AFG2B: variants seen among roughly 807,000 people sequenced by gnomAD.
The protein encoded by AFG2B is ATPase family gene 2 protein homolog B.
chr15:45,410,448 G>T, the AFG2B span: 13 of 1,613,828 alleles, frequency 8.1e-6, no homozygotes, highest in Non-Finnish European at 1.1e-5. Context: ...TCGTTTCGAA[G>T]CGTCATTGGA....
chr15:45,413,628 A>G, the AFG2B span, among the ~76,000 whole-genome samples: 22 of 152,184 alleles, frequency 1.4e-4, no homozygotes, highest in African/African-American at 5.3e-4. Context: ...AATCATTGCA[A>G]GAAACTTGTA....
At chr15:45,410,691 C>T in the AFG2B span, among the ~76,000 whole-genome samples, 4 of 152,162 alleles carry the variant, frequency 2.6e-5, no homozygotes, top group Non-Finnish European at 4.4e-5. Flanking sequence ...TTTAATTGGA[C>T]TTCTGTGGAT....
chr15:45,415,631 G>A, the AFG2B span: 1 of 1,613,894 alleles, frequency 6.2e-7, no homozygotes, highest in Non-Finnish European at 8.5e-7. Flanking sequence ...TTTTGTTTTT[G>A]GATGAAATTG....
chr15:45,418,111 A>G, the AFG2B span, among the ~76,000 whole-genome samples: 1 of 152,156 alleles, frequency 6.6e-6, no homozygotes, highest in African/African-American at 2.4e-5. Flanking sequence ...TGGGAGGCCA[A>G]GGCGGGTAGA....
chr15:45,407,082 C>T, the AFG2B span: 14 of 1,289,078 alleles, frequency 1.1e-5, no homozygotes, highest in South Asian at 3.7e-5. Context: ...CAGCTGCTGT[C>T]GTCCCAGGGT....
At chr15:45,404,768 G>A in the AFG2B span, among the ~76,000 whole-genome samples, 197 of 144,050 alleles carry the variant, frequency 1.4e-3, no homozygotes, top group African/African-American at 5.0e-3. Context: ...GATGGTGCCC[G>A]CTGCACTCCA....
chr15:45,405,442 T>A, the AFG2B span: 1 of 1,614,190 alleles, frequency 6.2e-7, no homozygotes, highest in Non-Finnish European at 8.5e-7. Context: ...TTGGCTATGT[T>A]GGTGCCGACC....
the AFG2B span, chr15:45,414,655 C>T: frequency 1.9e-6 from 3 of 1,614,038 alleles, no homozygotes; most frequent in East Asian, 4.5e-5. Context: ...CTATGGGCCC[C>T]CTGGATGTGC....
the AFG2B span, among the ~76,000 whole-genome samples, chr15:45,419,997 CAA>C: frequency 0.23 from 12,216 of 52,898 alleles, 1,658 homozygotes; most frequent in African/African-American, 0.49. Flanking sequence ...CCCCCCCCCC[CAA>C]AAAAAAAAAA....
At chr15:45,415,534 C>A in the AFG2B span, 22 of 1,312,582 alleles carry the variant, frequency 1.7e-5, no homozygotes, top group East Asian at 2.5e-5. Context: ...ATAGTAATAT[C>A]ACATGACTAA....
the AFG2B span, among the ~76,000 whole-genome samples, chr15:45,406,150 G>T: frequency 3.3e-5 from 5 of 152,082 alleles, no homozygotes; most frequent in African/African-American, 7.2e-5. Flanking sequence ...TCATACTTCA[G>T]GCTTTCTTCT....
the AFG2B span, among the ~76,000 whole-genome samples, chr15:45,406,629 T>C: frequency 6.6e-6 from 1 of 152,378 alleles, no homozygotes; most frequent in South Asian, 2.1e-4. Flanking sequence ...TAAATAGTCC[T>C]GAATCCTTAA....
chr15:45,406,801 G>C, the AFG2B span, among the ~76,000 whole-genome samples: 1 of 152,214 alleles, frequency 6.6e-6, no homozygotes, highest in Non-Finnish European at 1.5e-5. Flanking sequence ...TTTATACCTT[G>C]CCTCACTTCC....
the AFG2B span, among the ~76,000 whole-genome samples, chr15:45,414,936 A>G: frequency 6.6e-6 from 1 of 152,218 alleles, no homozygotes; most frequent in Non-Finnish European, 1.5e-5. Flanking sequence ...TGTAAATATG[A>G]AATCCTTCAT....
the AFG2B span, chr15:45,405,572 A>G: frequency 6.6e-7 from 1 of 1,508,928 alleles, no homozygotes; most frequent in Non-Finnish European, 9.0e-7. Flanking sequence ...TTGGGGGTTA[A>G]AAAAAAGCGG....
the AFG2B span, chr15:45,403,067 G>A: frequency 6.5e-7 from 1 of 1,540,102 alleles, no homozygotes; most frequent in Non-Finnish European, 8.7e-7. Flanking sequence ...GACTCGCTGC[G>A]GGAGCTCCTC....
chr15:45,409,367 A>AC, the AFG2B span, among the ~76,000 whole-genome samples: 1 of 130,892 alleles, frequency 7.6e-6, no homozygotes, highest in East Asian at 2.1e-4. Context: ...ACAGAGTGAG[A>AC]CCCCGCCAAA....
the AFG2B span, chr15:45,402,797 C>T: frequency 7.5e-6 from 12 of 1,593,406 alleles, no homozygotes; most frequent in South Asian, 5.6e-5. Context: ...GCAGGCGCGC[C>T]CGGTGCCCGG....
chr15:45,415,087 A>C, the AFG2B span, among the ~76,000 whole-genome samples: 1 of 152,324 alleles, frequency 6.6e-6, no homozygotes, highest in Admixed American at 6.5e-5. Flanking sequence ...TGAAATTTAT[A>C]GTATTCTTTG....
Sources: allele counts gnomAD v4.1 joint callset (sites outside exome capture counted in the v4.1 genomes callset), GRCh38; gene constraint gnomAD v4.1.1; transcripts MANE v1.5; gene names NCBI Gene and HGNC (gene_info 2026-07-23, HGNC 2026-07-21).